Variants in ADK observed in about 807,000 individuals in gnomAD.
ADK encodes the protein adenosine kinase.
In ADK, 24 loss-of-function variants were observed where a neutral mutation model predicts 44.7. The observed-to-expected ratio is 0.54, with a 90% CI of 0.39 to 0.76. The LOEUF (loss-of-function observed/expected upper bound fraction) is 0.76, where lower values mean the gene tolerates loss of function less well. Ranked by LOEUF, ADK falls within the 30% of genes least tolerant of loss-of-function variation. The pLI is 0.00. For synonymous variants in ADK, 128 were observed against 142.6 expected (o/e 0.90, Z 0.73); for missense variants, 321 against 425.1 (o/e 0.76, Z 2.15).
intron 3 of ADK, among the ~76,000 whole-genome samples, chr10:74,244,657 A>G (rs1236108726): frequency 6.6e-6 from 1 of 152,230 alleles, no homozygotes; most frequent in Admixed American, 6.5e-5. Flanking sequence ...TTAAGTAAAC[A>G]ATATTACTAT....
At chr10:74,210,243 C>T (rs1005954380) in intron 2 of ADK, among the ~76,000 whole-genome samples, 4 of 149,486 alleles carry the variant, frequency 2.7e-5, no homozygotes, top group Middle Eastern at 3.5e-3. Context: ...GCAGGAGAAT[C>T]GCTTGAACCC....
chr10:74,446,326 A>G (rs1435636176), intron 6 of ADK, among the ~76,000 whole-genome samples: 2 of 152,062 alleles, frequency 1.3e-5, no homozygotes, highest in Non-Finnish European at 2.9e-5. Flanking sequence ...GATTTCCAAG[A>G]GGGAGATATG....
chr10:74,328,361 G>A (rs1203412734), intron 4 of ADK, among the ~76,000 whole-genome samples: 1 of 148,656 alleles, frequency 6.7e-6, no homozygotes, highest in Non-Finnish European at 1.5e-5. Flanking sequence ...ACAATAGGCC[G>A]AATAGCCACT....
intron 1 of ADK, among the ~76,000 whole-genome samples, chr10:74,193,423 G>T (rs1287038323): frequency 6.6e-6 from 1 of 151,430 alleles, no homozygotes; most frequent in Non-Finnish European, 1.5e-5. Flanking sequence ...CCACCCCAGT[G>T]TGATTAGTGT....
chr10:74,507,961 T>G (rs1848148395), intron 6 of ADK, among the ~76,000 whole-genome samples: 1 of 152,164 alleles, frequency 6.6e-6, no homozygotes, highest in African/African-American at 2.4e-5. Flanking sequence ...TTCTAACATG[T>G]AGAGGTAGTG....
At chr10:74,294,169 C>T (rs960161322) in intron 3 of ADK, among the ~76,000 whole-genome samples, 3 of 151,922 alleles carry the variant, frequency 2.0e-5, no homozygotes, top group Admixed American at 6.6e-5. Flanking sequence ...TTTTTATATT[C>T]TACTGTTGAT....
chr10:74,210,791 T>TCA (rs1843784673), intron 2 of ADK, among the ~76,000 whole-genome samples: 1 of 141,968 alleles, frequency 7.0e-6, no homozygotes, highest in East Asian at 2.0e-4. Flanking sequence ...AAAAAAATAT[T>TCA]TAGTGTCAAG....
intron 6 of ADK, among the ~76,000 whole-genome samples, chr10:74,494,325 A>G (rs957446049): frequency 2.0e-5 from 3 of 152,154 alleles, no homozygotes; most frequent in African/African-American, 7.2e-5. Flanking sequence ...TCTTATATAC[A>G]TACATTCTGT....
chr10:74,630,907 T>A (rs1429734456), intron 9 of ADK, among the ~76,000 whole-genome samples: 2 of 141,174 alleles, frequency 1.4e-5, no homozygotes, highest in Non-Finnish European at 3.0e-5. Flanking sequence ...CTTTTTTTGT[T>A]TATTAATTTA....
intron 7 of ADK, among the ~76,000 whole-genome samples, chr10:74,569,693 A>C (rs1850858567): frequency 6.6e-6 from 1 of 152,284 alleles, no homozygotes; most frequent in South Asian, 2.1e-4. Flanking sequence ...AGATGAGCAG[A>C]TTGCAAAAAT....
intron 4 of ADK, among the ~76,000 whole-genome samples, chr10:74,319,179 A>T (rs1207531997): frequency 6.6e-6 from 1 of 152,214 alleles, no homozygotes; most frequent in African/African-American, 2.4e-5. Context: ...TTATTTTTTT[A>T]AAAAGTGTGA....
intron 9 of ADK, among the ~76,000 whole-genome samples, chr10:74,665,736 TGAGAGAGAGAGAGAGA>T (rs59620474): frequency 0.01 from 1,177 of 116,282 alleles, 17 homozygotes; most frequent in African/African-American, 0.037. Flanking sequence ...CCTTAGCTCT[TGAGAGAGAGAGAGAGA>T]GAGAGAGAGA....
At chr10:74,615,569 A>C (rs952941257) in intron 9 of ADK, among the ~76,000 whole-genome samples, 1 of 152,124 alleles carries the variant, frequency 6.6e-6, no homozygotes, top group Non-Finnish European at 1.5e-5. Context: ...ATTTGCTACT[A>C]TCCATCTTTT....
chr10:74,545,331 A>G (rs1849787018), intron 7 of ADK, among the ~76,000 whole-genome samples: 4 of 152,194 alleles, frequency 2.6e-5, no homozygotes, highest in Admixed American at 2.6e-4. Flanking sequence ...TATGGAGTTC[A>G]GGTCAGGCTT....
At chr10:74,421,440 T>C (rs1844552394) in intron 6 of ADK, among the ~76,000 whole-genome samples, 1 of 152,246 alleles carries the variant, frequency 6.6e-6, no homozygotes, top group South Asian at 2.1e-4. Context: ...GTTGGAGATA[T>C]AAGTATTTAC....
chr10:74,305,096 T>G (rs566138463), intron 3 of ADK, among the ~76,000 whole-genome samples: 1 of 152,318 alleles, frequency 6.6e-6, no homozygotes, highest in South Asian at 2.1e-4. Flanking sequence ...CCTAATATAA[T>G]GTAAATGCTG....
At chr10:74,192,350 C>T (rs1457217043) in intron 1 of ADK, among the ~76,000 whole-genome samples, 3 of 152,086 alleles carry the variant, frequency 2.0e-5, no homozygotes, top group Non-Finnish European at 4.4e-5. Flanking sequence ...GCCTCAGCCT[C>T]CTGAGTAGCT....
intron 4 of ADK, among the ~76,000 whole-genome samples, chr10:74,373,212 G>A (rs1414999243): frequency 6.6e-6 from 1 of 151,980 alleles, no homozygotes; most frequent in Admixed American, 6.5e-5. Flanking sequence ...AACTGCAACC[G>A]TTAGAAGACA....
intron 6 of ADK, among the ~76,000 whole-genome samples, chr10:74,511,346 G>T (rs1398046163): frequency 1.3e-5 from 2 of 152,062 alleles, no homozygotes; most frequent in Admixed American, 6.6e-5. Flanking sequence ...GCTATTCAGG[G>T]TTTTCTATGT....
Sources: gnomAD v4.1 joint callset for allele counts (sites outside exome capture counted in the v4.1 genomes callset) on GRCh38, gnomAD v4.1.1 for gene constraint, MANE v1.5 for transcripts, NCBI Gene and HGNC (gene_info 2026-07-23, HGNC 2026-07-21) for gene names.